TBC1D5: variants seen among roughly 807,000 people sequenced by gnomAD.
The protein encoded by TBC1D5 is TBC1 domain family member 5.
Under a neutral mutation model 100.3 loss-of-function variants are expected in TBC1D5, and 75 were observed. The observed-to-expected ratio is 0.75, with a 90% CI of 0.62 to 0.91. TBC1D5 has a LOEUF of 0.91. Ranked by LOEUF, TBC1D5 falls within the 40% of genes least tolerant of loss-of-function variation. TBC1D5 has a pLI of 0.00. For missense variants in TBC1D5, 910 were observed against 942.4 expected, an observed-to-expected ratio of 0.97 and a Z score of 0.45; for synonymous variants, 323 against 325.6, an observed-to-expected ratio of 0.99 and a Z score of 0.09.
chr3:17,179,070 T>G lies in TBC1D5; in HGVS notation c.1852+6039A>C, dbSNP rs145715575. On this transcript the variant is annotated intron_variant, in intron 19 of 21. Transcript: ENST00000253692. The stretch of plus-strand genomic sequence containing the variant: ...TCAAGTGATCCTCCCACCTCAGCAT[T>G]CCCAGTAGCTGAGACTATAGGCACG... 9.5e-4 allele frequency among the ~76,000 whole-genome samples: 144 copies of G among 152,292 alleles called. 1 individual carries two copies. The highest frequency in any genetic ancestry group is 3.3e-3 in the African/African-American group (136 of 41,572).
chr3:17,315,007 A>T (rs1479831067), intron 13 of TBC1D5, among the ~76,000 whole-genome samples: 1 of 152,250 alleles, frequency 6.6e-6, no homozygotes, highest in Non-Finnish European at 1.5e-5. Context: ...GGCATCTGCC[A>T]CTGTGCCCAG....
chr3:17,503,683 T>C (rs578050615), intron 3 of TBC1D5, among the ~76,000 whole-genome samples: 2 of 149,842 alleles, frequency 1.3e-5, no homozygotes, highest in East Asian at 1.9e-4. Context: ...TCAAGAATAC[T>C]ATCTACACAA....
chr3:17,549,817 C>T (rs544821748), intron 2 of TBC1D5, among the ~76,000 whole-genome samples: 2 of 151,992 alleles, frequency 1.3e-5, no homozygotes, highest in African/African-American at 2.4e-5. Flanking sequence ...GTATTCCCAG[C>T]TACTCGTGAG....
rs78933415 is a variant in TBC1D5, at chr3:17,289,226, A to G, written c.1245+2669T>C. Among the ~76,000 whole-genome samples the G allele has an allele frequency of 3.0e-3, 463 of 152,254 alleles. 2 individuals are homozygous for G. Among genetic ancestry groups the G allele is most frequent in the African/African-American group, 0.011 (453 of 41,552 alleles). On this transcript the variant is annotated intron_variant, in intron 15 of 21. Transcript: ENST00000253692. ...CTCGCTTGCCCATGCACCCCCTCCC[A>G]TTGGCAGCTGAGCACACAGTCACAG... is the stretch of plus-strand genomic sequence containing the variant.
chr3:17,514,827 A>G (rs372886131), intron 2 of TBC1D5, among the ~76,000 whole-genome samples: 29 of 152,278 alleles, frequency 1.9e-4, no homozygotes, highest in East Asian at 1.3e-3. Flanking sequence ...TCCTGAGCAG[A>G]TGCTCAAGAT....
chr3:17,647,585 C>A (rs1337609353), intron 1 of TBC1D5, among the ~76,000 whole-genome samples: 1 of 152,038 alleles, frequency 6.6e-6, no homozygotes, highest in African/African-American at 2.4e-5. Flanking sequence ...AGTGCAAAGA[C>A]CCTGATGTGG....
intron 13 of TBC1D5, among the ~76,000 whole-genome samples, chr3:17,352,868 CTAA>C (rs1284838609): frequency 6.6e-6 from 1 of 152,006 alleles, no homozygotes. Context: ...ACACTGAGAG[CTAA>C]TACCACTCAA....
intron 1 of TBC1D5, among the ~76,000 whole-genome samples, chr3:17,696,695 T>C (rs1191042499): frequency 6.6e-6 from 1 of 152,200 alleles, no homozygotes; most frequent in African/African-American, 2.4e-5. Flanking sequence ...GCTGGTACCA[T>C]TCCTTCTGAA....
At chr3:17,378,263 G>T (rs2092789535) in intron 9 of TBC1D5, among the ~76,000 whole-genome samples, 1 of 151,786 alleles carries the variant, frequency 6.6e-6, no homozygotes, top group Admixed American at 6.6e-5. Context: ...CTTGGAAGTA[G>T]AATTTCAGGG....
intron 13 of TBC1D5, among the ~76,000 whole-genome samples, chr3:17,326,187 A>T (rs528689493): frequency 3.3e-5 from 5 of 152,234 alleles, no homozygotes; most frequent in Non-Finnish European, 7.3e-5. Flanking sequence ...CAAAATACAG[A>T]TAAAGAGAGA....
At chr3:17,684,181 T>G (rs1279547690) in intron 1 of TBC1D5, among the ~76,000 whole-genome samples, 4 of 152,020 alleles carry the variant, frequency 2.6e-5, no homozygotes, top group Non-Finnish European at 4.4e-5. Context: ...GTTGTTCATC[T>G]CCAGAAAAGA....
intron 3 of TBC1D5, among the ~76,000 whole-genome samples, chr3:17,504,751 C>T (rs892587977): frequency 1.3e-5 from 2 of 152,172 alleles, no homozygotes; most frequent in Non-Finnish European, 2.9e-5. Context: ...GTACTTCAGA[C>T]ACCATTTTTA....
chr3:17,252,445 T>C (rs543550367), intron 16 of TBC1D5, among the ~76,000 whole-genome samples: 3 of 152,184 alleles, frequency 2.0e-5, no homozygotes, highest in Admixed American at 6.5e-5. Context: ...AATTCTGGCA[T>C]GTAGGTCCTC....
At chr3:17,443,551 C>T (rs2094715672) in intron 3 of TBC1D5, among the ~76,000 whole-genome samples, 1 of 152,160 alleles carries the variant, frequency 6.6e-6, no homozygotes, top group Non-Finnish European at 1.5e-5. Context: ...CTTCCCAAGG[C>T]AACTTGGAAA....
At chr3:17,254,075 T>G (rs1385136420) in intron 16 of TBC1D5, among the ~76,000 whole-genome samples, 2 of 152,226 alleles carry the variant, frequency 1.3e-5, no homozygotes, top group Admixed American at 1.3e-4. Context: ...TTCCATTATT[T>G]GAATGTACCA....
intron 17 of TBC1D5, among the ~76,000 whole-genome samples, chr3:17,219,925 T>G (rs2074092900): frequency 1.3e-5 from 2 of 152,104 alleles, no homozygotes; most frequent in African/African-American, 4.8e-5. Context: ...CAGGGGCCCC[T>G]GCCATGCTAC....
chr3:17,602,546 A>T (rs2061030118), intron 2 of TBC1D5, among the ~76,000 whole-genome samples: 1 of 149,898 alleles, frequency 6.7e-6, no homozygotes, highest in Non-Finnish European at 1.5e-5. Flanking sequence ...TTATGCCATA[A>T]TACGAGAGAA....
chr3:17,179,942 A>G (rs967804057), intron 19 of TBC1D5, among the ~76,000 whole-genome samples: 6 of 152,214 alleles, frequency 3.9e-5, no homozygotes, highest in Non-Finnish European at 5.9e-5. Flanking sequence ...AACAGCTGGC[A>G]GCTCAGCCCA....
At chr3:17,638,718 G>A (rs1291918133) in intron 1 of TBC1D5, among the ~76,000 whole-genome samples, 1 of 151,936 alleles carries the variant, frequency 6.6e-6, no homozygotes, top group African/African-American at 2.4e-5. Flanking sequence ...TATTATGGCT[G>A]GATTTTTACT....
Sources: allele counts gnomAD v4.1 joint callset (sites outside exome capture counted in the v4.1 genomes callset), GRCh38; gene constraint gnomAD v4.1.1; transcripts MANE v1.5; gene names NCBI Gene and HGNC (gene_info 2026-07-23, HGNC 2026-07-21).